PRKG1: variants seen among roughly 807,000 people sequenced by gnomAD.
PRKG1 encodes the protein cGMP-dependent protein kinase 1.
PRKG1 carries 35 observed loss-of-function variants against 88.1 expected under a neutral mutation model. That is an observed-to-expected ratio of 0.40 (90% CI 0.30 to 0.53). The LOEUF is 0.53. Among genes scored for constraint, PRKG1 ranks in the 20% least tolerant of loss-of-function variants. The pLI is 0.59. For missense variants in PRKG1, 540 were observed against 839.8 expected (o/e 0.64, Z 4.41); for synonymous variants, 303 against 292.5 (o/e 1.04, Z -0.37).
At chr10:51,940,987 A>C (rs1472992272) in intron 5 of PRKG1, among the ~76,000 whole-genome samples, 1 of 151,966 alleles carries the variant, frequency 6.6e-6, no homozygotes, top group Non-Finnish European at 1.5e-5. Flanking sequence ...TCAACTTACC[A>C]TTGTAGTAAT....
At chr10:52,111,340 T>A (rs2132590044) in intron 7 of PRKG1, among the ~76,000 whole-genome samples, 1 of 152,376 alleles carries the variant, frequency 6.6e-6, no homozygotes, top group South Asian at 2.1e-4. Flanking sequence ...GCTATTATAC[T>A]AACACTTCGT....
At chr10:51,505,672 A>G (rs1177545793) in intron 3 of PRKG1, among the ~76,000 whole-genome samples, 2 of 152,042 alleles carry the variant, frequency 1.3e-5, no homozygotes, top group Non-Finnish European at 2.9e-5. Context: ...CTATTCAGAG[A>G]TTCAACTTCT....
chr10:52,107,659 GAAGCAAC>G (rs1847458754), intron 7 of PRKG1, among the ~76,000 whole-genome samples: 1 of 152,108 alleles, frequency 6.6e-6, no homozygotes, highest in African/African-American at 2.4e-5. Context: ...ATCTTAAAAA[GAAGCAAC>G]AGCTTAACTA....
chr10:51,736,818 T>G (rs1315945869), intron 3 of PRKG1, among the ~76,000 whole-genome samples: 1 of 151,428 alleles, frequency 6.6e-6, no homozygotes, highest in African/African-American at 2.4e-5. Flanking sequence ...TTTTTTTTTG[T>G]AGAGAAGGAG....
intron 2 of PRKG1, among the ~76,000 whole-genome samples, chr10:51,220,409 A>AAT (rs1470787535): frequency 1.3e-5 from 2 of 152,204 alleles, no homozygotes; most frequent in Non-Finnish European, 2.9e-5. Context: ...ATAAAAAGAT[A>AAT]ATATAATTTT....
intron 2 of PRKG1, among the ~76,000 whole-genome samples, chr10:51,352,014 T>G (rs560731678): frequency 7.9e-5 from 12 of 152,304 alleles, no homozygotes; most frequent in African/African-American, 2.4e-4. Context: ...CTTTCCCCAT[T>G]GCTTGTTTGT....
chr10:51,701,041 CCAT>C (rs1589215610), intron 3 of PRKG1, among the ~76,000 whole-genome samples: 1 of 151,312 alleles, frequency 6.6e-6, no homozygotes, highest in African/African-American at 2.4e-5. Context: ...TAAAAATAGC[CCAT>C]CAATTTTATA....
intron 2 of PRKG1, among the ~76,000 whole-genome samples, chr10:51,288,207 A>G (rs931663860): frequency 4.6e-5 from 7 of 152,006 alleles, no homozygotes; most frequent in Non-Finnish European, 1.0e-4. Flanking sequence ...TTAGTTACAT[A>G]TGTATACATG....
At chr10:51,603,065 C>A (rs1255208360) in intron 3 of PRKG1, among the ~76,000 whole-genome samples, 1 of 152,004 alleles carries the variant, frequency 6.6e-6, no homozygotes, top group East Asian at 1.9e-4. Context: ...TCAAGCAATT[C>A]TCCTGCCTCA....
intron 3 of PRKG1, among the ~76,000 whole-genome samples, chr10:51,774,676 A>G (rs1259299252): frequency 6.6e-6 from 1 of 152,136 alleles, no homozygotes; most frequent in Non-Finnish European, 1.5e-5. Context: ...AATATTATTC[A>G]TTCTTATTTT....
intron 3 of PRKG1, among the ~76,000 whole-genome samples, chr10:51,672,015 A>G (rs1316098522): frequency 6.6e-6 from 1 of 151,600 alleles, no homozygotes; most frequent in Non-Finnish European, 1.5e-5. Flanking sequence ...TTAACCCAGT[A>G]CAGTGTTGTG....
intron 3 of PRKG1, among the ~76,000 whole-genome samples, chr10:51,740,124 C>T (rs1386109247): frequency 6.6e-6 from 1 of 152,132 alleles, no homozygotes; most frequent in Non-Finnish European, 1.5e-5. Flanking sequence ...GCCTCCTGGG[C>T]TCAAGTGATC....
intron 10 of PRKG1, among the ~76,000 whole-genome samples, chr10:52,254,088 A>G (rs111666570): frequency 1.9e-4 from 29 of 152,030 alleles, no homozygotes; most frequent in African/African-American, 6.5e-4. Context: ...CATCTTTTAC[A>G]TACATTCAAT....
intron 7 of PRKG1, among the ~76,000 whole-genome samples, chr10:52,110,340 T>A (rs1482714804): frequency 1.3e-5 from 2 of 151,724 alleles, no homozygotes; most frequent in African/African-American, 4.8e-5. Context: ...TCAGAAAAAA[T>A]AAGAAATAAA....
chr10:51,734,729 C>T (rs1837219736), intron 3 of PRKG1, among the ~76,000 whole-genome samples: 1 of 152,096 alleles, frequency 6.6e-6, no homozygotes. Flanking sequence ...TGGCTTCTTC[C>T]AAAACAGAAT....
chr10:51,196,400 CCAT>C (rs1837766450), intron 2 of PRKG1, among the ~76,000 whole-genome samples: 1 of 151,956 alleles, frequency 6.6e-6, no homozygotes, highest in Admixed American at 6.6e-5. Context: ...CTTATTACCA[CCAT>C]GTTAGGCAAA....
At chr10:51,151,015 T>C (rs1366515059) in intron 1 of PRKG1, among the ~76,000 whole-genome samples, 1 of 151,836 alleles carries the variant, frequency 6.6e-6, no homozygotes, top group Non-Finnish European at 1.5e-5. Flanking sequence ...TAGGGTACTA[T>C]TAATACTTCC....
In PRKG1 at chr10:50,991,802, G is replaced by A. The variant is rs576567401; in HGVS notation, c.266+158G>A. On this transcript the variant is annotated intron_variant, in intron 1 of 17. Transcript: ENST00000401604. The surrounding 1 kb of genome is among the most constrained non-coding windows in gnomAD (Gnocchi z 4.5). Reference sequence around the variant, plus strand: ...GCCCCGCGGCCCGGGAATGGGAAGTGTTTATTTTTATTTCTGCCCATCACG... The same window carrying A: ...GCCCCGCGGCCCGGGAATGGGAAGTATTTATTTTTATTTCTGCCCATCACG... Among the ~76,000 whole-genome samples the A allele has an allele frequency of 1.4e-3, 215 of 152,020 alleles. No homozygotes were observed. Among genetic ancestry groups the A allele is most frequent in the African/African-American group, 5.0e-3 (208 of 41,540 alleles).
intron 8 of PRKG1, among the ~76,000 whole-genome samples, chr10:52,138,168 A>G (rs1203394922): frequency 6.6e-6 from 1 of 151,430 alleles, no homozygotes; most frequent in Admixed American, 6.6e-5. Context: ...TGTCTCTCCC[A>G]CTCCTCTTCT....
Sources: gnomAD v4.1 joint callset for allele counts (sites outside exome capture counted in the v4.1 genomes callset) on GRCh38, gnomAD v4.1.1 for gene constraint, Gnocchi (gnomAD v3.1) non-coding constraint, MANE v1.5 for transcripts, NCBI Gene and HGNC (gene_info 2026-07-23, HGNC 2026-07-21) for gene names.